Variants in FAM118A observed in about 807,000 individuals in gnomAD.
FAM118A encodes the protein protein FAM118A.
A neutral mutation model predicts 38.2 loss-of-function variants in FAM118A; 25 were observed. That is an observed-to-expected ratio of 0.65 (90% CI 0.48 to 0.91). FAM118A has a LOEUF of 0.91. Among genes scored for constraint, FAM118A ranks in the 40% least tolerant of loss-of-function variants. The pLI is 0.00. For synonymous variants in FAM118A, 178 were observed against 184.1 expected, an observed-to-expected ratio of 0.97 and a Z score of 0.27; for missense variants, 425 against 463.3, an observed-to-expected ratio of 0.92 and a Z score of 0.76.
intron 3 of FAM118A, among the ~76,000 whole-genome samples, chr22:45,325,769 C>T (rs1165157487): frequency 6.6e-6 from 1 of 152,082 alleles, no homozygotes; most frequent in African/African-American, 2.4e-5. Flanking sequence ...ATCATCCAAG[C>T]GGACATGAGA....
rs1484287732 is a variant in FAM118A, at chr22:45,328,019, C to A, written c.478C>A (p.Gln160Lys). 6.2e-7 allele frequency: 1 copy of A among 1,606,776 alleles called. No individual in the cohort carries two copies. The highest frequency in any genetic ancestry group is 1.7e-5 in the Admixed American group (1 of 59,004). Residue 160 changes from glutamine (Q) to lysine (K), a missense_variant, in exon 4 of 9, where the codon CAG (glutamine) becomes AAG (lysine). Coordinates refer to ENST00000441876, the MANE Select transcript of FAM118A (RefSeq NM_017911.4). ...CCTGCTGGAGGCCTTTGGCCGGCGG[C>A]AGAACAAGCCCATGGAGTCCCTGGA... Reference protein sequence around the residue: ...DNLLEAFGRRQNKPMESLDLK... With the variant: ...DNLLEAFGRRKNKPMESLDLK...
intron 1 of FAM118A, among the ~76,000 whole-genome samples, chr22:45,314,415 G>T (rs750889049): frequency 6.6e-6 from 1 of 152,252 alleles, no homozygotes; most frequent in Non-Finnish European, 1.5e-5. Context: ...AGAAATGAGT[G>T]CCTTAAAGTG....
chr22:45,323,089 G>A, intron 2 of FAM118A, 86 bp from the exon 3 acceptor site: 1 of 1,313,990 alleles, frequency 7.6e-7, no homozygotes, highest in Non-Finnish European at 1.1e-6. Flanking sequence ...ACAGCACAAG[G>A]CCGGAACTCG....
intron 8 of FAM118A, among the ~76,000 whole-genome samples, chr22:45,339,354 A>G (rs2086320386): frequency 1.3e-5 from 2 of 151,582 alleles, no homozygotes; most frequent in South Asian, 2.1e-4. Flanking sequence ...AGCCGAGATC[A>G]CACCATTGTA....
intron 8 of FAM118A, chr22:45,337,813 C>G (rs1355227024): frequency 4.1e-6 from 4 of 985,194 alleles, no homozygotes; most frequent in Non-Finnish European, 3.6e-6. Context: ...GGGTCGCCTC[C>G]TGAGGGCCAT....
intron 1 of FAM118A, chr22:45,318,697 A>G (rs896634948): frequency 1.3e-5 from 2 of 152,232 alleles, no homozygotes; most frequent in Non-Finnish European, 2.9e-5. Context: ...AATATGGGCA[A>G]CTGTGCAGTT....
chr22:45,322,479 C>G, intron 2 of FAM118A, 53 bp downstream of exon 2: 1 of 1,486,166 alleles, frequency 6.7e-7, no homozygotes. Flanking sequence ...CATCTAGCGT[C>G]TCTCGTGAGT....
Position 45,332,640 on chromosome 22 carries a change from G to A in FAM118A, c.867G>A (p.Gly289=). The A allele has an allele frequency of 9.3e-6, 15 of 1,614,178 alleles. No homozygotes were observed. Among genetic ancestry groups the A allele is most frequent in the African/African-American group, 1.3e-5 (1 of 75,050 alleles). The change falls in exon 6 of 9, where the codon GGG becomes GGA. Residue 289 remains glycine (G), a synonymous_variant. Coordinates refer to ENST00000441876, the MANE Select transcript of FAM118A (RefSeq NM_017911.4). The stretch of plus-strand genomic sequence containing the variant: ...ACGGAATCAAAGTTGTATCCTACGG[G>A]GACTGTTTTGACCACTTTCCAGGAT... The part of the protein sequence containing the change: ...LLHGIKVVSY[G]DCFDHFPGYV...
chr22:45,334,600 C>T (rs1601982605), intron 6 of FAM118A, among the ~76,000 whole-genome samples: 1 of 152,192 alleles, frequency 6.6e-6, no homozygotes, highest in Non-Finnish European at 1.5e-5. Context: ...GTTCCATATT[C>T]TCACCTGACT....
intron 1 of FAM118A, among the ~76,000 whole-genome samples, chr22:45,313,313 G>A (rs1198772709): frequency 1.7e-4 from 25 of 146,110 alleles, no homozygotes; most frequent in Admixed American, 1.7e-3. Context: ...CAGACATGTC[G>A]TGAGGGTTTT....
chr22:45,321,005 A>G (rs2084845710), intron 1 of FAM118A, among the ~76,000 whole-genome samples: 1 of 152,222 alleles, frequency 6.6e-6, no homozygotes, highest in African/African-American at 2.4e-5. Context: ...CCATATATAT[A>G]CATTACACTT....
At chr22:45,337,197 GT>G (rs2086167397) in intron 8 of FAM118A, among the ~76,000 whole-genome samples, 1 of 152,192 alleles carries the variant, frequency 6.6e-6, no homozygotes, top group South Asian at 2.1e-4. Context: ...TGGCTTCCCC[GT>G]TTTGTCGGTC....
rs142493936 is a variant in FAM118A at position 45,336,502 on chromosome 22, C to T, written c.1054+91C>T. 2.6e-4 allele frequency: 256 copies of T among 972,572 alleles called. 1 individual carries two copies. In the African/African-American group the frequency reaches 3.4e-3, roughly 13 times the overall value. The allele number at this position is 972,572 out of a possible 1,614,324, so 60.2% of individuals were successfully genotyped here. On this transcript the variant is annotated intron_variant, in intron 8 of 8. Transcript: ENST00000441876. ...GACCGTGCTGCGCTTTAATGCCCCG[C>T]GCCCTATGGTGGGAGGACGGTGCAT...
intron 2 of FAM118A, 134 bp from the exon 3 acceptor site, chr22:45,323,041 C>CTGTG (rs3041118): frequency 0.15 from 101,036 of 655,046 alleles, 3,031 homozygotes; most frequent in East Asian, 0.4. Flanking sequence ...TCAGAGGGGA[C>CTGTG]TGTGTGTGTG....
intron 8 of FAM118A, among the ~76,000 whole-genome samples, 158 bp downstream of exon 8, chr22:45,336,569 A>G (rs941232490): frequency 1.3e-5 from 2 of 152,194 alleles, no homozygotes; most frequent in Non-Finnish European, 2.9e-5. Flanking sequence ...CTTACTTAGC[A>G]GAGACCCTGA....
chr22:45,316,789 A>C (rs1457881539), intron 1 of FAM118A, among the ~76,000 whole-genome samples: 2 of 152,192 alleles, frequency 1.3e-5, no homozygotes, highest in Non-Finnish European at 2.9e-5. Flanking sequence ...GCTTTGCTCT[A>C]AGGGCTCAAC....
chr22:45,317,678 G>A (rs2084664901), intron 1 of FAM118A, among the ~76,000 whole-genome samples: 1 of 152,184 alleles, frequency 6.6e-6, no homozygotes, highest in Admixed American at 6.5e-5. Flanking sequence ...CTAGCTCAGC[G>A]CCAGGCCCAG....
chr22:45,322,193 G>A, intron 1 of FAM118A, 178 bp from the exon 2 acceptor site: 1 of 1,521,036 alleles, frequency 6.6e-7, no homozygotes. Flanking sequence ...ATGAGGAATG[G>A]TGGCTTAGGA....
chr22:45,340,753 G>A lies in FAM118A; in HGVS notation c.*348G>A, dbSNP rs1450202063. 5.6e-6 allele frequency: 2 copies of A among 359,802 alleles called. No individual in the cohort carries two copies. Among genetic ancestry groups the A allele is most frequent in the Admixed American group, 4.3e-5 (1 of 23,396 alleles). The allele number at this position is 359,802 out of a possible 1,614,324, so 22.3% of individuals were successfully genotyped here. A position where few individuals can be genotyped will look rare whatever the true frequency, so the allele number is the denominator to read the frequency against. On this transcript the variant is annotated 3_prime_UTR_variant, in exon 9 of 9. Transcript: ENST00000441876. ...GGTATTTTTCGTAATAAAAGGGGAA[G>A]AGTAAAGACTGTCCAAGCAACAGTA...
Sources: allele counts gnomAD v4.1 joint callset (sites outside exome capture counted in the v4.1 genomes callset), GRCh38; gene constraint gnomAD v4.1.1; transcripts MANE v1.5; gene names NCBI Gene and HGNC (gene_info 2026-07-23, HGNC 2026-07-21).